The following KHDRBS2 variants were observed in gnomAD, a reference collection of about 807,000 sequenced individuals.
The protein encoded by KHDRBS2 is KH domain-containing, RNA-binding, signal transduction-associated protein 2.
KHDRBS2 carries 26 observed loss-of-function variants against 44.3 expected under a neutral mutation model. That is an observed-to-expected ratio of 0.59 (90% confidence interval 0.43 to 0.81). The LOEUF is 0.81. Among genes scored for constraint, KHDRBS2 ranks in the 40% least tolerant of loss-of-function variants. The pLI is 0.00. For missense variants in KHDRBS2, 476 were observed against 433.1 expected (o/e 1.10, Z -0.88); for synonymous variants, 194 against 151.1 (o/e 1.28, Z -2.08).
At chr6:61,655,096 C>T in the KHDRBS2 span, among the ~76,000 whole-genome samples, 1 of 151,872 alleles carries the variant, frequency 6.6e-6, no homozygotes, top group African/African-American at 2.4e-5. Context: ...CAAAGGCAAA[C>T]ATGCCCAGAA....
chr6:62,098,130 T>C (rs1175077823), intron 2 of KHDRBS2, among the ~76,000 whole-genome samples: 1 of 152,086 alleles, frequency 6.6e-6, no homozygotes, highest in Non-Finnish European at 1.5e-5. Context: ...AACAATTTTG[T>C]CCCTTATCTT....
chr6:61,716,252 G>A (rs1271634631), intron 7 of KHDRBS2, among the ~76,000 whole-genome samples: 2 of 151,974 alleles, frequency 1.3e-5, no homozygotes, highest in Non-Finnish European at 2.9e-5. Context: ...CTGACAGCCA[G>A]CATCAACTGC....
At chr6:62,219,975 A>G (rs1393791760) in intron 1 of KHDRBS2, among the ~76,000 whole-genome samples, 2 of 148,670 alleles carry the variant, frequency 1.3e-5, no homozygotes, top group African/African-American at 2.4e-5. Flanking sequence ...CTGAATATAT[A>G]GTACATATGT....
intron 1 of KHDRBS2, among the ~76,000 whole-genome samples, chr6:62,258,529 T>C (rs1276162646): frequency 6.6e-6 from 1 of 152,040 alleles, no homozygotes; most frequent in African/African-American, 2.4e-5. Context: ...CAATCATACA[T>C]TGTCCACAAG....
intron 6 of KHDRBS2, among the ~76,000 whole-genome samples, chr6:61,755,941 G>A (rs1425029205): frequency 6.6e-6 from 1 of 152,104 alleles, no homozygotes; most frequent in Non-Finnish European, 1.5e-5. Context: ...AAAACTACTT[G>A]TTCTGAGGTC....
At chr6:61,570,139 C>A in the KHDRBS2 span, among the ~76,000 whole-genome samples, 1 of 151,718 alleles carries the variant, frequency 6.6e-6, no homozygotes, top group East Asian at 1.9e-4. Context: ...AAGGAGATCC[C>A]AGAGAAAGGT....
chr6:61,657,187 A>C, the KHDRBS2 span, among the ~76,000 whole-genome samples: 7 of 152,100 alleles, frequency 4.6e-5, no homozygotes, highest in Admixed American at 3.3e-4. Context: ...CATCATTATC[A>C]AAGTAGTCTC....
rs565486222 is a variant in KHDRBS2, at chr6:61,854,823, T to A, written c.810+39812A>T. Among the ~76,000 whole-genome samples, 8 of 152,298 alleles carry A rather than the reference T, an allele frequency of 5.3e-5. No individual in the cohort carries two copies. In the East Asian group the frequency reaches 1.5e-3, roughly 29 times the overall value. ...ACATTCACCAAGTCTTTGAAGACCA[T>A]AATTATCTTAGAGAAAGTTGAATGA... is the stretch of plus-strand genomic sequence containing the variant. On this transcript the variant is annotated intron_variant, in intron 6 of 8. Transcript: ENST00000281156.
intron 6 of KHDRBS2, among the ~76,000 whole-genome samples, chr6:61,768,001 A>G (rs775559239): frequency 6.6e-6 from 1 of 152,122 alleles, no homozygotes; most frequent in Non-Finnish European, 1.5e-5. Flanking sequence ...TTTTATTGGT[A>G]AAGTCCTTTT....
intron 1 of KHDRBS2, among the ~76,000 whole-genome samples, chr6:62,182,642 T>C (rs975314472): frequency 1.3e-5 from 2 of 151,904 alleles, no homozygotes; most frequent in South Asian, 2.1e-4. Context: ...ATAAAGTGGA[T>C]GAATTTTTTG....
intron 1 of KHDRBS2, among the ~76,000 whole-genome samples, chr6:62,198,214 C>T (rs529158217): frequency 6.6e-6 from 1 of 151,598 alleles, no homozygotes; most frequent in Non-Finnish European, 1.5e-5. Context: ...AAAAGCCAGC[C>T]GAAGGCAATA....
chr6:62,212,381 T>C (rs1470437444), intron 1 of KHDRBS2, among the ~76,000 whole-genome samples: 2 of 151,860 alleles, frequency 1.3e-5, no homozygotes, highest in African/African-American at 4.8e-5. Flanking sequence ...GATTTAAGTA[T>C]ATGAGAGATA....
chr6:62,190,073 C>T (rs1216825054), intron 1 of KHDRBS2, among the ~76,000 whole-genome samples: 1 of 151,938 alleles, frequency 6.6e-6, no homozygotes, highest in Non-Finnish European at 1.5e-5. Context: ...ATGCAAAGTT[C>T]AGGAAGAGAA....
intron 2 of KHDRBS2, among the ~76,000 whole-genome samples, chr6:62,150,524 T>G (rs1202179793): frequency 1.3e-5 from 2 of 152,222 alleles, no homozygotes; most frequent in African/African-American, 4.8e-5. Context: ...GTACAATATT[T>G]GAATTCAGAG....
intron 7 of KHDRBS2, among the ~76,000 whole-genome samples, chr6:61,731,090 A>G (rs1002327887): frequency 6.6e-6 from 1 of 152,032 alleles, no homozygotes; most frequent in Non-Finnish European, 1.5e-5. Context: ...ACTTTCTATC[A>G]AGGGTTTCTG....
At chr6:61,925,589 C>T (rs1449056238) in intron 4 of KHDRBS2, among the ~76,000 whole-genome samples, 3 of 151,868 alleles carry the variant, frequency 2.0e-5, no homozygotes, top group Admixed American at 6.6e-5. Flanking sequence ...TGGTGTGCAC[C>T]TGTACACCTG....
At chr6:62,277,638 G>A (rs754165530) in intron 1 of KHDRBS2, among the ~76,000 whole-genome samples, 3 of 152,128 alleles carry the variant, frequency 2.0e-5, no homozygotes, top group Admixed American at 1.3e-4. Context: ...CACTGTGCCC[G>A]GCCCATATGC....
chr6:62,050,444 G>A (rs746932531), intron 2 of KHDRBS2, among the ~76,000 whole-genome samples: 3 of 151,050 alleles, frequency 2.0e-5, no homozygotes, highest in Non-Finnish European at 3.0e-5. Context: ...AAAAAAAAGG[G>A]GGTGAGAAAA....
chr6:62,153,296 T>C lies in KHDRBS2; in HGVS notation c.219+23889A>G, dbSNP rs1341154233. Among the ~76,000 whole-genome samples, 3 of 152,128 alleles carry C rather than the reference T, an allele frequency of 2.0e-5. No homozygotes were observed. In the East Asian group the frequency reaches 5.8e-4, roughly 29 times the overall value. On this transcript the variant is annotated intron_variant, in intron 2 of 8. Transcript: ENST00000281156. ...CTCTAATGCTGAGCAAATGATGAAA[T>C]TCCTTAATGTCTGTTTATTGTAAAA...
Sources: gnomAD v4.1 joint callset for allele counts (sites outside exome capture counted in the v4.1 genomes callset) on GRCh38, gnomAD v4.1.1 for gene constraint, MANE v1.5 for transcripts, NCBI Gene and HGNC (gene_info 2026-07-23, HGNC 2026-07-21) for gene names.